Variants in GK observed in about 807,000 individuals in gnomAD.
GK encodes glycerol kinase, also known as ATP:glycerol 3-phosphotransferase.
Under a neutral mutation model 56.4 loss-of-function variants are expected in GK, and 9 were observed. The observed-to-expected ratio is 0.16, with a 90% confidence interval of 0.10 to 0.28. GK has a LOEUF of 0.28. GK is among the 10% of genes least tolerant of loss of function. The pLI is 1.00. For missense variants in GK, 161 were observed against 431.4 expected (o/e 0.37, Z 5.55); for synonymous variants, 104 against 144.1 (o/e 0.72, Z 1.99).
intron 17 of GK, 34 bp downstream of exon 17, chrX:30,720,775 G>A: frequency 8.3e-7 from 1 of 1,207,971 alleles, no homozygotes; most frequent in Non-Finnish European, 1.1e-6. Context: ...AACTCCCAGA[G>A]TAATGTTTCT....
chrX:30,707,736 CA>C, intron 12 of GK, 138 bp downstream of exon 12: 1 of 456,399 alleles, frequency 2.2e-6, no homozygotes, highest in Admixed American at 4.1e-5. Context: ...GAGCTCAATA[CA>C]AAATTTGAAT....
chrX:30,658,808 T>C (rs1932503076), intron 1 of GK, among the ~76,000 whole-genome samples: 1 of 112,249 alleles, frequency 8.9e-6, no homozygotes, highest in South Asian at 3.7e-4. Context: ...ATGTCCTTTT[T>C]CTTCCCCAAA....
chrX:30,693,769 G>A (rs1371858743), intron 5 of GK, among the ~76,000 whole-genome samples: 1 of 109,901 alleles, frequency 9.1e-6, no homozygotes, highest in Non-Finnish European at 1.9e-5. Context: ...GGTTGGTTTC[G>A]AGCTCCTAAC....
At chrX:30,707,449 C>CT (rs1936078149) in intron 11 of GK, 107 bp from the exon 12 acceptor site, 2 of 519,338 alleles carry the variant, frequency 3.9e-6, no homozygotes, top group East Asian at 3.6e-5. Flanking sequence ...ACTATAATGA[C>CT]TTTTTTGGAC....
chrX:30,694,580 A>AT, intron 6 of GK, 43 bp downstream of exon 6: 1 of 1,086,677 alleles, frequency 9.2e-7, no homozygotes, highest in Non-Finnish European at 1.3e-6. Flanking sequence ...TTTTTCAGAA[A>AT]TTTTTTCTAG....
chrX:30,699,392 G>A (rs1935518343), intron 9 of GK, among the ~76,000 whole-genome samples: 1 of 90,754 alleles, frequency 1.1e-5, no homozygotes, highest in Admixed American at 1.3e-4. Flanking sequence ...TTGAGACGGA[G>A]GCTCACTCTG....
In GK at chrX:30,677,076, T is replaced by C. The variant is rs188568001; in HGVS notation, c.260-299T>C. ...TGGGTATTATAAATTTGTGAAGTTA[T>C]TGCATTCCTTAAAGCAACCAGTGTG... On this transcript the variant is annotated intron_variant, in intron 3 of 20. Coordinates refer to ENST00000427190, the MANE Select transcript of GK (RefSeq NM_001205019.2). Among the ~76,000 whole-genome samples the C allele has an allele frequency of 5.0e-4, 56 of 111,928 alleles. 1 individual carries two copies. Among genetic ancestry groups the C allele is most frequent in the Admixed American group, 4.5e-3 (47 of 10,549 alleles).
intron 1 of GK, among the ~76,000 whole-genome samples, chrX:30,654,517 T>C (rs980317429): frequency 1.8e-5 from 2 of 110,772 alleles, no homozygotes; most frequent in South Asian, 7.6e-4. Context: ...CTGAGGCGGG[T>C]GGATTACCTA....
At chrX:30,671,220 G>A (rs1933470499) in intron 3 of GK, among the ~76,000 whole-genome samples, 1 of 105,266 alleles carries the variant, frequency 9.5e-6, no homozygotes, top group Non-Finnish European at 1.9e-5. Context: ...GAACCTGGGA[G>A]GCAGAAGTTG....
At chrX:30,698,797 C>G (rs760209868) in intron 9 of GK, among the ~76,000 whole-genome samples, 1 of 89,402 alleles carries the variant, frequency 1.1e-5, no homozygotes, top group East Asian at 3.8e-4. Flanking sequence ...ACCCAGGAGG[C>G]GGAGGTTGTG....
chrX:30,687,922 C>T (rs1934712145), intron 4 of GK, among the ~76,000 whole-genome samples: 1 of 112,015 alleles, frequency 8.9e-6, no homozygotes, highest in Non-Finnish European at 1.9e-5. Context: ...TTCTCTTTGG[C>T]AGTTTTACTA....
intron 13 of GK, among the ~76,000 whole-genome samples, chrX:30,716,168 C>A (rs1261897401): frequency 1.8e-5 from 2 of 112,247 alleles, no homozygotes; most frequent in Non-Finnish European, 3.8e-5. Context: ...AATCACTTTA[C>A]TAGACTCCTA....
In GK at chrX:30,712,413, A is replaced by G. The variant is rs137916120; in HGVS notation, c.975+4279A>G. 8.0e-3 allele frequency among the ~76,000 whole-genome samples: 893 copies of G among 111,624 alleles called. 6 individuals carry two copies. Among genetic ancestry groups the G allele is most frequent in the Non-Finnish European group, 0.014 (723 of 53,079 alleles). ...GTCAAGTTACACTCCTACCAGCAAT[A>G]TGGGGGAATGCTAGTTTACTCATCC... On this transcript the variant is annotated intron_variant, in intron 13 of 20. Transcript: ENST00000427190.
Position 30,720,623 on chromosome X carries a change from T to A in GK, c.1239T>A (p.Ile413=). The change falls in exon 17 of 21, where the codon ATT becomes ATA. Residue 413 remains isoleucine, a splice_region_variant and synonymous_variant. Coordinates refer to ENST00000427190, the MANE Select transcript of GK (RefSeq NM_001205019.2). ...TTAATTGCACTGGTTTATTTAAGAT[T>A]TTGGATGCCATGAATCGAGACTGTG... ...LEAVCFQTRE[I]LDAMNRDCGI... is the part of the protein sequence containing the mutation. 1 of 1,203,343 alleles carries A rather than the reference T, an allele frequency of 8.3e-7. No individual in the cohort carries two copies. The highest frequency in any genetic ancestry group is 1.1e-6 in the Non-Finnish European group (1 of 888,306).
intron 11 of GK, among the ~76,000 whole-genome samples, chrX:30,704,855 C>A (rs62588590): frequency 0.29 from 31,643 of 110,943 alleles, 3,371 homozygotes; most frequent in South Asian, 0.42. Flanking sequence ...CAGGCGTGAG[C>A]CACCGCGCCC....
chrX:30,699,282 C>T (rs865871030), intron 9 of GK, among the ~76,000 whole-genome samples: 9 of 85,773 alleles, frequency 1.0e-4, no homozygotes, highest in East Asian at 4.0e-4. Context: ...TGTATATATA[C>T]AACATGTTAT....
chrX:30,722,270 G>GT (rs1936944903), intron 18 of GK, among the ~76,000 whole-genome samples: 1 of 112,347 alleles, frequency 8.9e-6, no homozygotes, highest in Admixed American at 9.4e-5. Flanking sequence ...ATTTAGAAAT[G>GT]TATTTCACCA....
chrX:30,724,026 G>T, intron 18 of GK, 75 bp from the exon 19 acceptor site: 1 of 620,971 alleles, frequency 1.6e-6, no homozygotes. Context: ...AATGTTGAGT[G>T]ATCATAAGTA....
chrX:30,673,126 G>A (rs1297501764), intron 3 of GK, among the ~76,000 whole-genome samples: 1 of 111,928 alleles, frequency 8.9e-6, no homozygotes, highest in Non-Finnish European at 1.9e-5. Context: ...GGGATTTTGA[G>A]TGTAGCTTTT....
Sources: gnomAD v4.1 joint callset for allele counts (sites outside exome capture counted in the v4.1 genomes callset) on GRCh38, gnomAD v4.1.1 for gene constraint, MANE v1.5 for transcripts, NCBI Gene and HGNC (gene_info 2026-07-23, HGNC 2026-07-21) for gene names.